Variants in ANKRD31 observed in about 807,000 individuals in gnomAD.
The protein encoded by ANKRD31 is ankyrin repeat domain-containing protein 31.
A neutral mutation model predicts 186.0 loss-of-function variants in ANKRD31; 147 were observed. The observed-to-expected ratio is 0.79, with a 90% CI of 0.69 to 0.91. ANKRD31 has a LOEUF of 0.91. Among genes scored for constraint, ANKRD31 ranks in the 40% least tolerant of loss-of-function variants. The pLI is 0.00. For synonymous variants in ANKRD31, 673 were observed against 736.4 expected (o/e 0.91, Z 1.39); for missense variants, 1,986 against 2,148.8 (o/e 0.92, Z 1.50).
chr5:75,229,360 A>C (rs1490272120), intron 2 of ANKRD31, among the ~76,000 whole-genome samples: 1 of 152,164 alleles, frequency 6.6e-6, no homozygotes, highest in Non-Finnish European at 1.5e-5. Flanking sequence ...GCTAGGCTAG[A>C]GATTTGGAAG....
chr5:75,079,497 T>C (rs563166469), intron 25 of ANKRD31, among the ~76,000 whole-genome samples: 29 of 152,060 alleles, frequency 1.9e-4, no homozygotes, highest in Non-Finnish European at 4.0e-4. Flanking sequence ...AGTTTTGCTC[T>C]TTGCTCTTGT....
At position 75,068,444 on chromosome 5, in the gene ANKRD31, A is replaced by G; in HGVS notation, c.*75T>C. 1 of 1,358,600 alleles carries G rather than the reference A, an allele frequency of 7.4e-7. No homozygotes were observed. Among genetic ancestry groups the G allele is most frequent in the East Asian group, 2.7e-5 (1 of 37,542 alleles). The allele number at this position is 1,358,600 out of a possible 1,614,324, so 84.2% of individuals were successfully genotyped here. A position where few individuals can be genotyped will look rare whatever the true frequency, so the allele number is the denominator to read the frequency against. On this transcript the variant is annotated 3_prime_UTR_variant, in exon 26 of 26. Transcript: ENST00000506364. ...GTGTATGTTAAAATAGGCCCACCAG[A>G]TTATACAAGATGAAATATAAATGTT... is the stretch of plus-strand genomic sequence containing the variant.
intron 11 of ANKRD31, among the ~76,000 whole-genome samples, chr5:75,160,723 C>T (rs1435334761): frequency 2.0e-5 from 3 of 152,146 alleles, no homozygotes; most frequent in Non-Finnish European, 4.4e-5. Context: ...AATTGTAATA[C>T]CATAATCCCC....
intron 3 of ANKRD31, among the ~76,000 whole-genome samples, chr5:75,220,525 C>CCAGCTACTCGGGAGGCTGAGG (rs1287568869): frequency 1.3e-5 from 2 of 151,886 alleles, no homozygotes; most frequent in African/African-American, 4.8e-5. Context: ...GCCTGTAATT[C>CCAGCTACTCGGGAGGCTGAGG]CAGCTACTCG....
At chr5:75,207,382 T>C (rs1482014775) in intron 4 of ANKRD31, among the ~76,000 whole-genome samples, 3 of 152,134 alleles carry the variant, frequency 2.0e-5, no homozygotes, top group African/African-American at 4.8e-5. Context: ...AATAAAACCA[T>C]AGTTTAACAG....
At chr5:75,195,543 G>T in intron 7 of ANKRD31, 88 bp downstream of exon 7, 5 of 1,113,744 alleles carry the variant, frequency 4.5e-6, no homozygotes, top group Non-Finnish European at 6.2e-6. Context: ...TCAGCTACTT[G>T]CTCCACTGAA....
intron 22 of ANKRD31, among the ~76,000 whole-genome samples, chr5:75,092,920 A>T (rs1427968366): frequency 6.6e-6 from 1 of 152,206 alleles, no homozygotes; most frequent in Non-Finnish European, 1.5e-5. Context: ...AAATTTATTT[A>T]AAAAGAACCA....
At chr5:75,160,128 AT>A (rs1243535504) in intron 11 of ANKRD31, among the ~76,000 whole-genome samples, 1 of 152,132 alleles carries the variant, frequency 6.6e-6, no homozygotes, top group East Asian at 1.9e-4. Flanking sequence ...CTAAGACCAT[AT>A]AAAGTAATAT....
intron 17 of ANKRD31, among the ~76,000 whole-genome samples, chr5:75,126,615 T>C (rs992311742): frequency 6.6e-6 from 1 of 152,168 alleles, no homozygotes; most frequent in Non-Finnish European, 1.5e-5. Context: ...CAAGGGGTGG[T>C]CCAATACTTT....
At chr5:75,091,719 G>T (rs1307589967) in intron 22 of ANKRD31, among the ~76,000 whole-genome samples, 1 of 152,044 alleles carries the variant, frequency 6.6e-6, no homozygotes, top group Non-Finnish European at 1.5e-5. Context: ...AGACTACAGG[G>T]CTCCCTGTTA....
intron 10 of ANKRD31, among the ~76,000 whole-genome samples, chr5:75,174,785 T>G (rs1222470506): frequency 6.6e-6 from 1 of 152,100 alleles, no homozygotes; most frequent in African/African-American, 2.4e-5. Flanking sequence ...TTGGTGGGAG[T>G]GTAAATTAGT....
intron 10 of ANKRD31, among the ~76,000 whole-genome samples, chr5:75,176,400 T>C (rs111227568): frequency 0.51 from 76,839 of 151,658 alleles, 22,497 homozygotes; most frequent in African/African-American, 0.82. Flanking sequence ...TCTCCCAGCA[T>C]GCAGCTTGAG....
At chr5:75,069,079 T>G (rs1478641197) in intron 25 of ANKRD31, among the ~76,000 whole-genome samples, 2 of 152,222 alleles carry the variant, frequency 1.3e-5, no homozygotes, top group African/African-American at 4.8e-5. Flanking sequence ...AAAAAGAGTA[T>G]TAGGCTGCAT....
chr5:75,187,110 T>TTGTGTGTG (rs57013241), intron 10 of ANKRD31, among the ~76,000 whole-genome samples: 11,490 of 115,980 alleles, frequency 0.099, 711 homozygotes, highest in Middle Eastern at 0.15. Flanking sequence ...TGATTCTGTT[T>TTGTGTGTG]TGTGTGTGTG....
chr5:75,226,908 C>T (rs1482678445), intron 2 of ANKRD31, among the ~76,000 whole-genome samples: 1 of 152,058 alleles, frequency 6.6e-6, no homozygotes, highest in African/African-American at 2.4e-5. Flanking sequence ...TCCAGCAATC[C>T]CACTCCTAGG....
chr5:75,164,257 T>G (rs1334400091), intron 11 of ANKRD31, among the ~76,000 whole-genome samples: 1 of 152,206 alleles, frequency 6.6e-6, no homozygotes, highest in African/African-American at 2.4e-5. Flanking sequence ...CCAGTCAACA[T>G]CTTGACTACA....
chr5:75,076,339 T>A (rs1319695237), intron 25 of ANKRD31, among the ~76,000 whole-genome samples: 5 of 152,210 alleles, frequency 3.3e-5, no homozygotes, highest in Non-Finnish European at 5.9e-5. Flanking sequence ...ATAGTGCCTC[T>A]ACCCCACCCC....
At chr5:75,085,345 C>T (rs1220780492) in intron 23 of ANKRD31, among the ~76,000 whole-genome samples, 1 of 151,998 alleles carries the variant, frequency 6.6e-6, no homozygotes, top group African/African-American at 2.4e-5. Flanking sequence ...ATAAAAGACT[C>T]TGAAGTCCCG....
chr5:75,221,383 A>G (rs1757291513), intron 3 of ANKRD31, among the ~76,000 whole-genome samples: 1 of 152,230 alleles, frequency 6.6e-6, no homozygotes, highest in Admixed American at 6.5e-5. Flanking sequence ...ACATACATAT[A>G]CATACACTCA....
Sources: gnomAD v4.1 joint callset for allele counts (sites outside exome capture counted in the v4.1 genomes callset) on GRCh38, gnomAD v4.1.1 for gene constraint, MANE v1.5 for transcripts, NCBI Gene and HGNC (gene_info 2026-07-23, HGNC 2026-07-21) for gene names.